The following LHFPL3 variants were observed in gnomAD, a reference collection of about 807,000 sequenced individuals.
The protein encoded by LHFPL3 is LHFPL tetraspan subfamily member 3.
LHFPL3 carries 5 observed loss-of-function variants against 19.3 expected under a neutral mutation model. That is an observed-to-expected ratio of 0.26 (90% confidence interval 0.14 to 0.54). The LOEUF (loss-of-function observed/expected upper bound fraction) is 0.54, where lower values mean the gene tolerates loss of function less well. Ranked by LOEUF, LHFPL3 falls within the 20% of genes least tolerant of loss-of-function variation. The probability of loss-of-function intolerance (pLI) is 0.94; values close to 1 mark genes in which losing one functional copy is unlikely to be tolerated. For missense variants in LHFPL3, 249 were observed against 307.4 expected (o/e 0.81, Z 1.42); for synonymous variants, 133 against 126.2 (o/e 1.05, Z -0.36).
chr7:104,523,202 C>T (rs1794111899), intron 1 of LHFPL3, among the ~76,000 whole-genome samples: 1 of 152,018 alleles, frequency 6.6e-6, no homozygotes, highest in African/African-American at 2.4e-5. Flanking sequence ...TAATAATCTC[C>T]ACCATCCTAG....
chr7:104,619,975 T>C (rs547725954), intron 1 of LHFPL3, among the ~76,000 whole-genome samples: 4 of 152,338 alleles, frequency 2.6e-5, no homozygotes, highest in African/African-American at 9.6e-5. Context: ...CAGTTCACAA[T>C]AGGGCTTGTG....
chr7:104,884,004 C>T (rs1330867229), intron 2 of LHFPL3, among the ~76,000 whole-genome samples: 1 of 152,168 alleles, frequency 6.6e-6, no homozygotes, highest in East Asian at 1.9e-4. Flanking sequence ...TATGGAATCA[C>T]ACAGACAAGG....
intron 1 of LHFPL3, among the ~76,000 whole-genome samples, chr7:104,393,553 T>C (rs1199431990): frequency 6.6e-6 from 1 of 151,426 alleles, no homozygotes; most frequent in African/African-American, 2.4e-5. Context: ...CCGTCTCTAC[T>C]AAAAATACAA....
intron 1 of LHFPL3, among the ~76,000 whole-genome samples, chr7:104,645,260 C>G (rs1363311478): frequency 6.6e-6 from 1 of 152,006 alleles, no homozygotes; most frequent in Non-Finnish European, 1.5e-5. Context: ...CTGTTTTTTT[C>G]AAAACTGCTT....
rs577319093 is a variant in LHFPL3 at position 104,861,501 on chromosome 7, G to C, written c.683-44686G>C. Among the ~76,000 whole-genome samples, 248 of 152,138 alleles carry C rather than the reference G, an allele frequency of 1.6e-3. 1 individual carries two copies. The highest frequency in any genetic ancestry group is 2.5e-3 in the Non-Finnish European group (167 of 68,024). Reference sequence around the variant, plus strand: ...ATTTCCACAGCTATGGAGAGGACTTGGGAGAACCTTGGAGGATGACAGGGC... The same window carrying C: ...ATTTCCACAGCTATGGAGAGGACTTCGGAGAACCTTGGAGGATGACAGGGC... On this transcript the variant is annotated intron_variant, in intron 2 of 2. Transcript: ENST00000424859.
chr7:104,731,987 G>GT (rs1426530122), intron 1 of LHFPL3, among the ~76,000 whole-genome samples: 7 of 152,154 alleles, frequency 4.6e-5, no homozygotes, highest in Admixed American at 3.9e-4. Context: ...ATAATCATGT[G>GT]TTTTTTGTCT....
At chr7:104,573,985 A>G (rs2115997723) in intron 1 of LHFPL3, among the ~76,000 whole-genome samples, 1 of 152,318 alleles carries the variant, frequency 6.6e-6, no homozygotes, top group South Asian at 2.1e-4. Context: ...GGAATGATTG[A>G]CATTTGGAAT....
At chr7:104,674,372 C>CTTTTTTTTTTTT (rs531335106) in intron 1 of LHFPL3, among the ~76,000 whole-genome samples, 5 of 134,686 alleles carry the variant, frequency 3.7e-5, no homozygotes, top group Non-Finnish European at 4.8e-5. Context: ...TTTTCTTTTT[C>CTTTTTTTTTTTT]TTTTTTTTTT....
In LHFPL3 at chr7:104,522,698, T is replaced by C. The variant is rs1309260698; in HGVS notation, c.445+193474T>C. The stretch of plus-strand genomic sequence containing the variant: ...AATGAAAGACAATACAGAAGGTCTT[T>C]CTTGCCATTTGTCCTGTGCTCCAGT... On this transcript the variant is annotated intron_variant, in intron 1 of 2. Coordinates refer to ENST00000424859, the MANE Select transcript of LHFPL3 (RefSeq NM_199000.3). 5.9e-5 allele frequency among the ~76,000 whole-genome samples: 9 copies of C among 152,250 alleles called. No individual in the cohort carries two copies. In the East Asian group the frequency reaches 1.7e-3, roughly 29 times the overall value.
intron 1 of LHFPL3, among the ~76,000 whole-genome samples, chr7:104,400,653 G>A (rs1476941014): frequency 6.6e-6 from 1 of 151,970 alleles, no homozygotes; most frequent in Non-Finnish European, 1.5e-5. Context: ...TGACCCCAAA[G>A]ACAAAATCCT....
At chr7:104,572,745 A>G (rs1023492938) in intron 1 of LHFPL3, among the ~76,000 whole-genome samples, 1 of 152,146 alleles carries the variant, frequency 6.6e-6, no homozygotes, top group African/African-American at 2.4e-5. Context: ...CTAAGTCTGT[A>G]ATTTCACTGC....
At chr7:104,566,868 A>C (rs1790134721) in intron 1 of LHFPL3, among the ~76,000 whole-genome samples, 1 of 152,230 alleles carries the variant, frequency 6.6e-6, no homozygotes, top group Non-Finnish European at 1.5e-5. Context: ...ATCTAGGTTC[A>C]TGAGGTACTT....
chr7:104,660,981 T>G (rs1297491313), intron 1 of LHFPL3, among the ~76,000 whole-genome samples: 3 of 152,230 alleles, frequency 2.0e-5, no homozygotes, highest in Non-Finnish European at 4.4e-5. Context: ...CTGGTGCTGC[T>G]GCTTGCTGGT....
At chr7:104,691,589 T>C (rs113629454) in intron 1 of LHFPL3, among the ~76,000 whole-genome samples, 55,343 of 152,182 alleles carry the variant, frequency 0.36, 10,285 homozygotes, top group East Asian at 0.52. Context: ...TGTGTGATTA[T>C]GTACTGATTC....
At chr7:104,810,276 C>T (rs544246825) in intron 2 of LHFPL3, among the ~76,000 whole-genome samples, 2 of 152,214 alleles carry the variant, frequency 1.3e-5, no homozygotes, top group Admixed American at 1.3e-4. Flanking sequence ...GAAGCCATTG[C>T]AGGGATTTAG....
At chr7:104,724,880 T>C (rs1008784827) in intron 1 of LHFPL3, among the ~76,000 whole-genome samples, 27 of 152,304 alleles carry the variant, frequency 1.8e-4, no homozygotes, top group Middle Eastern at 3.4e-3. Context: ...CCTTACTAGG[T>C]AGGCCTAAAC....
chr7:104,544,803 T>A (rs1257547120), intron 1 of LHFPL3, among the ~76,000 whole-genome samples: 1 of 152,168 alleles, frequency 6.6e-6, no homozygotes, highest in Non-Finnish European at 1.5e-5. Flanking sequence ...TTCTTCAAAA[T>A]CACAAGTCCT....
intron 1 of LHFPL3, among the ~76,000 whole-genome samples, chr7:104,560,748 T>C (rs1429108997): frequency 6.8e-6 from 1 of 146,150 alleles, no homozygotes; most frequent in Non-Finnish European, 1.5e-5. Context: ...TGCTCTTGCT[T>C]TTCTAGTTCT....
intron 1 of LHFPL3, among the ~76,000 whole-genome samples, chr7:104,441,963 T>C (rs1427758069): frequency 6.6e-6 from 1 of 152,216 alleles, no homozygotes; most frequent in Non-Finnish European, 1.5e-5. Flanking sequence ...TTTGAAGAAG[T>C]CTCGGTACTG....
Sources: allele counts gnomAD v4.1 joint callset (sites outside exome capture counted in the v4.1 genomes callset), GRCh38; gene constraint gnomAD v4.1.1; transcripts MANE v1.5; gene names NCBI Gene and HGNC (gene_info 2026-07-23, HGNC 2026-07-21).